Variants in CASP9 observed in about 807,000 individuals in gnomAD.
The protein encoded by CASP9 is caspase-9.
Under a neutral mutation model 43.5 loss-of-function variants are expected in CASP9, and 29 were observed. The ratio of observed to expected loss-of-function variants is 0.67; its 90% CI spans 0.50 to 0.91. CASP9 has a LOEUF of 0.91. CASP9 is among the 40% of genes least tolerant of loss of function. CASP9 has a pLI of 0.00. For missense variants in CASP9, 575 were observed against 537.4 expected, an observed-to-expected ratio of 1.07 and a Z score of -0.69; for synonymous variants, 206 against 211.9, an observed-to-expected ratio of 0.97 and a Z score of 0.24.
At position 15,494,629 on chromosome 1, in the gene CASP9, C is replaced by T. The variant is rs1433789106; in HGVS notation, c.1049-628G>A. ...CTGTAATCCCAGCACTTTGGGAAGC[C>T]GAGGCAGGTGGATCACGAGGTCAGG... On this transcript the variant is annotated intron_variant, in intron 7 of 8. Transcript: ENST00000333868. 5.3e-5 allele frequency among the ~76,000 whole-genome samples: 8 copies of T among 151,132 alleles called. No homozygotes were observed. In the South Asian group the frequency reaches 6.3e-4, roughly 12 times the overall value.
chr1:15,492,918 T>G lies in CASP9; in HGVS notation c.*25A>C, dbSNP rs1176462760. On this transcript the variant is annotated 3_prime_UTR_variant, in exon 9 of 9. Transcript: ENST00000333868. ...GGCAGGAAAGCTTTGGGGTGCAAGA[T>G]AAGGCAGGGTGAGGGGCCCTGGCCT... 6.2e-7 allele frequency: 1 copy of G among 1,612,332 alleles called. No homozygotes were observed. Among genetic ancestry groups the G allele is most frequent in the African/African-American group, 1.3e-5 (1 of 74,916 alleles).
intron 8 of CASP9, chr1:15,493,332 T>C (rs4646103): frequency 1.0e-4 from 134 of 1,285,612 alleles, no homozygotes; most frequent in Non-Finnish European, 1.3e-4. Context: ...GCAGAGCAGC[T>C]GGGGCCCATA....
chr1:15,502,551 G>A (rs1479178198), intron 6 of CASP9, among the ~76,000 whole-genome samples: 1 of 152,048 alleles, frequency 6.6e-6, no homozygotes, highest in Admixed American at 6.5e-5. Flanking sequence ...GGGAAGGCTG[G>A]GCCGTGCTGG....
chr1:15,514,488 C>T (rs188342255), intron 2 of CASP9, among the ~76,000 whole-genome samples: 1 of 152,298 alleles, frequency 6.6e-6, no homozygotes, highest in Non-Finnish European at 1.5e-5. Flanking sequence ...CTCTCAGCAG[C>T]TCATGGAAAA....
At chr1:15,524,568 T>C (rs1457901830), upstream of CASP9, 25 of 313,080 alleles carry the variant, frequency 8.0e-5, no homozygotes, top group Non-Finnish European at 7.5e-5. Context: ...ACCCGCCCCG[T>C]ATCCCCGCAC....
At chr1:15,513,222 T>A (rs940948756) in intron 2 of CASP9, among the ~76,000 whole-genome samples, 1 of 151,468 alleles carries the variant, frequency 6.6e-6, no homozygotes, top group Non-Finnish European at 1.5e-5. Flanking sequence ...GTGCCATTAA[T>A]CATTAGCTCA....
intron 2 of CASP9, among the ~76,000 whole-genome samples, chr1:15,513,004 C>CA (rs1709817034): frequency 6.6e-6 from 1 of 151,790 alleles, no homozygotes; most frequent in South Asian, 2.1e-4. Context: ...AAAAAAAATA[C>CA]AAAAAAATTA....
At chr1:15,500,883 G>A (rs542420148) in intron 6 of CASP9, among the ~76,000 whole-genome samples, 2 of 151,956 alleles carry the variant, frequency 1.3e-5, no homozygotes, top group Admixed American at 1.3e-4. Flanking sequence ...TCAGAGCAGG[G>A]GGTGTGGGGG....
At position 15,512,327 on chromosome 1, in the gene CASP9, G is replaced by A. The variant is rs138078820; in HGVS notation, c.419-4420C>T. On this transcript the variant is annotated intron_variant, in intron 2 of 8. Coordinates refer to ENST00000333868, the MANE Select transcript of CASP9 (RefSeq NM_001229.5). ...GTGCCTGTGAGAGTGTTTTGGGGATGAGAATGGGATTTGAATAGGTAGACA... is the reference window on the plus strand; with the variant it reads ...GTGCCTGTGAGAGTGTTTTGGGGATAAGAATGGGATTTGAATAGGTAGACA... Among the ~76,000 whole-genome samples the A allele has an allele frequency of 1.2e-4, 19 of 152,216 alleles. 1 individual carries two copies. The East Asian group carries it at 3.3e-3, about 26-fold the overall frequency.
intron 6 of CASP9, among the ~76,000 whole-genome samples, chr1:15,497,650 A>AT (rs1311014512): frequency 2.8e-5 from 4 of 142,114 alleles, no homozygotes; most frequent in Non-Finnish European, 6.1e-5. Flanking sequence ...TCAAGAAAAA[A>AT]AAAAAAAAGA....
At chr1:15,516,884 T>C (rs977331887) in intron 2 of CASP9, among the ~76,000 whole-genome samples, 5 of 152,206 alleles carry the variant, frequency 3.3e-5, no homozygotes, top group African/African-American at 1.2e-4. Context: ...TGCAGCCCTG[T>C]CTCCACTCCT....
Position 15,518,181 on chromosome 1 carries a change from C to T in CASP9, c.347G>A (p.Arg116His), listed in dbSNP as rs748471490. ...TTCCGGTCTGAGAACCTCTGGTTTG[C>T]GAATCTCTGGTCTGAGCACCACTGG... is the stretch of plus-strand genomic sequence containing the variant. ...LTPVVLRPEI[R>H]KPEVLRPETP... is the part of the protein sequence containing the mutation. Residue 116 changes from arginine (R) to histidine (H), a missense_variant, in exon 2 of 9, where the codon CGC becomes CAC. Transcript: ENST00000333868. The T allele has an allele frequency of 9.9e-6, 16 of 1,614,076 alleles. No individual in the cohort carries two copies. The highest frequency in any genetic ancestry group is 2.2e-5 in the East Asian group (1 of 44,900).
In CASP9 at chr1:15,493,924, G is replaced by A; in HGVS notation, c.1126C>T (p.His376Tyr). 1 of 1,602,696 alleles carries A rather than the reference G, an allele frequency of 6.2e-7. No homozygotes were observed. Among genetic ancestry groups the A allele is most frequent in the Non-Finnish European group, 8.5e-7 (1 of 1,174,060 alleles). The change falls in exon 8 of 9, where the codon CAC (histidine) becomes TAC (tyrosine). Residue 376 changes from histidine to tyrosine, a missense_variant. Transcript: ENST00000333868. ...TLDDIFEQWA[H>Y]SEDLQSLLLR... ...AGGAGGGACTGCAGGTCTTCAGAGT[G>A]AGCCCACTGCTCAAAGATGTCGTCC...
chr1:15,507,165 C>G (rs772902765), intron 3 of CASP9, 90 bp from the exon 4 acceptor site: 3 of 1,503,930 alleles, frequency 2.0e-6, no homozygotes, highest in Non-Finnish European at 2.8e-6. Flanking sequence ...GGGGTCTGCC[C>G]TCTCGCACAA....
chr1:15,494,659 C>T (rs916463855), intron 7 of CASP9, among the ~76,000 whole-genome samples: 14 of 151,446 alleles, frequency 9.2e-5, no homozygotes, highest in Admixed American at 6.6e-5. Context: ...GTCAGGAGAT[C>T]GAGACCATCG....
intron 1 of CASP9, 27 bp downstream of exon 1, chr1:15,524,042 C>T (rs1710328891): frequency 7.0e-7 from 1 of 1,426,464 alleles, no homozygotes. Context: ...GGCCGTGCAG[C>T]GCGGGGACAG....
intron 6 of CASP9, among the ~76,000 whole-genome samples, chr1:15,498,707 A>G (rs1261049462): frequency 6.7e-6 from 1 of 148,786 alleles, no homozygotes. Context: ...ATATAGAACT[A>G]TAGAACACCA....
intron 7 of CASP9, 93 bp from the exon 8 acceptor site, chr1:15,494,094 C>T: frequency 6.7e-7 from 1 of 1,489,730 alleles, no homozygotes; most frequent in Middle Eastern, 2.1e-4. Flanking sequence ...CTCGGGCGCC[C>T]TCCAGACCTT....
intron 2 of CASP9, among the ~76,000 whole-genome samples, chr1:15,515,882 C>T: frequency 6.6e-6 from 1 of 152,054 alleles, no homozygotes. Flanking sequence ...ACGGTAAGAC[C>T]CTATCTCTAC....
Sources: gnomAD v4.1 joint callset for allele counts (sites outside exome capture counted in the v4.1 genomes callset) on GRCh38, gnomAD v4.1.1 for gene constraint, MANE v1.5 for transcripts, NCBI Gene and HGNC (gene_info 2026-07-23, HGNC 2026-07-21) for gene names.